Variants in COA8 observed in about 807,000 individuals in gnomAD.
The protein encoded by COA8 is cytochrome c oxidase assembly factor 8.
COA8 carries 20 observed loss-of-function variants against 22.0 expected under a neutral mutation model. The observed-to-expected ratio is 0.91, with a 90% confidence interval of 0.64 to 1.32. The LOEUF (loss-of-function observed/expected upper bound fraction) is 1.32. Ranked by LOEUF, COA8 falls within the 40% of genes most tolerant of loss-of-function variation. COA8 has a pLI of 0.00. For missense variants in COA8, 266 were observed against 230.0 expected (o/e 1.16, Z -1.01); for synonymous variants, 105 against 79.9 (o/e 1.31, Z -1.68).
intron 4 of COA8, among the ~76,000 whole-genome samples, chr14:103,589,976 C>A (rs1260378552): frequency 6.6e-6 from 1 of 151,926 alleles, no homozygotes; most frequent in Non-Finnish European, 1.5e-5. Context: ...GAGAGGACTC[C>A]AGGCGTCGCC....
At position 103,583,563 on chromosome 14, in the gene COA8, AAAAG is replaced by A. The variant is rs74495601; in HGVS notation, c.386-3709_386-3706del. On this transcript the variant is annotated intron_variant, in intron 3 of 4. Transcript: ENST00000409074. The stretch of plus-strand genomic sequence containing the variant: ...TCTCAAAAAAAAAAAAAAAAAAAAA[AAAAG>A]AGTCTTTTTTCCTCCTGAGACCAAA... 1.8e-3 allele frequency among the ~76,000 whole-genome samples: 271 copies of A among 151,562 alleles called. 1 individual carries two copies. Among genetic ancestry groups the A allele is most frequent in the African/African-American group, 6.2e-3 (257 of 41,214 alleles).
intron 1 of COA8, among the ~76,000 whole-genome samples, chr14:103,568,222 C>T (rs1440123558): frequency 2.0e-5 from 3 of 152,126 alleles, no homozygotes; most frequent in South Asian, 4.1e-4. Flanking sequence ...GAATAGGGTG[C>T]AGGAGAAACG....
chr14:103,588,402 C>T, intron 4 of COA8: 2 of 374,584 alleles, frequency 5.3e-6, no homozygotes, highest in Non-Finnish European at 9.4e-6. Context: ...CGAGATCCGG[C>T]CACTGCATTC....
At chr14:103,572,965 T>C (rs192353108) in intron 2 of COA8, among the ~76,000 whole-genome samples, 1 of 151,004 alleles carries the variant, frequency 6.6e-6, no homozygotes, top group Non-Finnish European at 1.5e-5. Flanking sequence ...GTACTTTTAG[T>C]GGAGATGGGA....
At chr14:103,567,055 G>C (rs1485243802) in intron 1 of COA8, among the ~76,000 whole-genome samples, 3 of 152,138 alleles carry the variant, frequency 2.0e-5, no homozygotes, top group Non-Finnish European at 2.9e-5. Flanking sequence ...CTACAGGCAT[G>C]TGCCACCGCA....
chr14:103,576,029 C>T (rs1044358805), intron 3 of COA8, among the ~76,000 whole-genome samples: 8 of 149,252 alleles, frequency 5.4e-5, no homozygotes, highest in Admixed American at 2.0e-4. Context: ...AAAGTCAGGC[C>T]GGGCGCGGTG....
At chr14:103,588,116 CAAAA>C (rs1221577064) in intron 4 of COA8, 1,485 of 64,382 alleles carry the variant, frequency 0.023, 10 homozygotes, top group African/African-American at 0.11. Flanking sequence ...AACTCCATCT[CAAAA>C]AAAAAAAAAA....
At position 103,578,326 on chromosome 14, in the gene COA8, T is replaced by C. The variant is rs74085203; in HGVS notation, c.385+4156T>C. Among the ~76,000 whole-genome samples, 1,362 of 152,322 alleles carry C rather than the reference T, an allele frequency of 8.9e-3. 24 individuals are homozygous for C. The highest frequency in any genetic ancestry group is 0.032 in the African/African-American group (1,316 of 41,576). ...AAGAACGGATAAGGCTGTGGTGGCC[T>C]ACGCACTTACTGGCCTTCACCGGAA... On this transcript the variant is annotated intron_variant, in intron 3 of 4. Coordinates refer to ENST00000409074, the MANE Select transcript of COA8 (RefSeq NM_001370595.2).
At chr14:103,578,818 T>C (rs573499527) in intron 3 of COA8, among the ~76,000 whole-genome samples, 1 of 152,298 alleles carries the variant, frequency 6.6e-6, no homozygotes, top group South Asian at 2.1e-4. Context: ...CTGGTACCCC[T>C]GCCTTTGGGA....
chr14:103,573,899 A>G (rs2076208228), intron 2 of COA8, among the ~76,000 whole-genome samples: 1 of 152,056 alleles, frequency 6.6e-6, no homozygotes, highest in South Asian at 2.1e-4. Context: ...AGTTTATTGA[A>G]CATCTTCTCA....
chr14:103,571,665 A>G lies in COA8; in HGVS notation c.166A>G (p.Ile56Val), dbSNP rs1221417561. The change falls in exon 2 of 5, where the codon ATA (isoleucine) becomes GTA (valine). Residue 56 changes from isoleucine to valine, a missense_variant. Ile to Val is a conservative substitution (Grantham distance 29, BLOSUM62 3). Coordinates refer to ENST00000409074, the MANE Select transcript of COA8 (RefSeq NM_001370595.2). ...TCCAAGAAAGTCTTGCCATGATTGG[A>G]TAGGACCCCCAGATAAATATTCAAA... ...CPPRKSCHDW[I>V]GPPDKYSNLR... 1.2e-6 allele frequency: 2 copies of G among 1,614,242 alleles called. No individual in the cohort carries two copies. The highest frequency in any genetic ancestry group is 1.3e-5 in the African/African-American group (1 of 75,066).
intron 3 of COA8, among the ~76,000 whole-genome samples, chr14:103,580,798 T>G (rs2076262175): frequency 7.8e-6 from 1 of 128,448 alleles, no homozygotes; most frequent in Admixed American, 7.8e-5. Context: ...TGGCCTGTTG[T>G]TTTTTTTTTT....
chr14:103,575,579 A>C (rs1045279811), intron 3 of COA8, among the ~76,000 whole-genome samples: 1 of 152,192 alleles, frequency 6.6e-6, no homozygotes. Context: ...GAGCCAAGAG[A>C]AGGGGAGCTT....
chr14:103,589,265 C>G (rs576505538), intron 4 of COA8, among the ~76,000 whole-genome samples: 126 of 152,276 alleles, frequency 8.3e-4, no homozygotes, highest in African/African-American at 3.0e-3. Flanking sequence ...CCATGGGCTA[C>G]CGGTTTTCTT....
At chr14:103,576,622 C>T (rs533391473) in intron 3 of COA8, among the ~76,000 whole-genome samples, 1 of 152,310 alleles carries the variant, frequency 6.6e-6, no homozygotes, top group East Asian at 1.9e-4. Context: ...GCAATTTCTT[C>T]CTCATGTTTA....
At chr14:103,588,447 CAATA>C (rs1009027054) in intron 4 of COA8, among the ~76,000 whole-genome samples, 11 of 148,318 alleles carry the variant, frequency 7.4e-5, no homozygotes, top group African/African-American at 1.3e-4. Context: ...GACCCTGTCT[CAATA>C]AATAAATAAA....
intron 2 of COA8, among the ~76,000 whole-genome samples, chr14:103,572,964 G>A (rs986431530): frequency 1.3e-5 from 2 of 151,374 alleles, no homozygotes; most frequent in African/African-American, 2.4e-5. Flanking sequence ...TGTACTTTTA[G>A]TGGAGATGGG....
chr14:103,571,121 T>A (rs2076180917), intron 1 of COA8, among the ~76,000 whole-genome samples: 1 of 152,146 alleles, frequency 6.6e-6, no homozygotes, highest in Non-Finnish European at 1.5e-5. Flanking sequence ...ACTCCTCACC[T>A]CCTCCTAGCC....
intron 3 of COA8, among the ~76,000 whole-genome samples, chr14:103,583,382 A>G (rs895721120): frequency 1.2e-4 from 18 of 151,966 alleles, no homozygotes; most frequent in East Asian, 5.8e-4. Flanking sequence ...TCTACTAAAA[A>G]TACAAAAAAT....
Sources: allele counts gnomAD v4.1 joint callset (sites outside exome capture counted in the v4.1 genomes callset), GRCh38; gene constraint gnomAD v4.1.1; transcripts MANE v1.5; gene names NCBI Gene and HGNC (gene_info 2026-07-23, HGNC 2026-07-21).